The following C11orf91 variants were observed in gnomAD, a reference collection of about 807,000 sequenced individuals.
C11orf91 encodes uncharacterized protein C11orf91.
C11orf91 carries 10 observed loss-of-function variants against 14.3 expected under a neutral mutation model. The observed-to-expected ratio is 0.70, with a 90% CI of 0.43 to 1.18. The LOEUF (loss-of-function observed/expected upper bound fraction) is 1.18. Ranked by LOEUF, C11orf91 falls within the 50% of genes most tolerant of loss-of-function variation. The probability of loss-of-function intolerance (pLI) is 0.00; values close to 1 mark genes in which losing one functional copy is unlikely to be tolerated. For synonymous variants in C11orf91, 141 were observed against 130.6 expected, an observed-to-expected ratio of 1.08 and a Z score of -0.54; for missense variants, 236 against 269.0, an observed-to-expected ratio of 0.88 and a Z score of 0.86.
In C11orf91 at chr11:33,700,376, G is replaced by A; in HGVS notation, c.365C>T (p.Pro122Leu). The part of the protein sequence containing the change: ...PPPGPEVVAS[P>L]LVPCPSTPRL... ...GGGGGTCGAGGGGCAGGGGACCAGG[G>A]GCGAGGCAACCACCTCAGGCCCCGG... Residue 122 changes from proline to leucine, a missense_variant, in exon 1 of 2, where the codon CCC becomes CTC. By Grantham distance (98) the Pro-to-Leu change is moderately conservative. Coordinates refer to ENST00000379011, the MANE Select transcript of C11orf91 (RefSeq NM_001166692.2). 6.5e-7 allele frequency: 1 copy of A among 1,534,582 alleles called. No individual in the cohort carries two copies. Among genetic ancestry groups the A allele is most frequent in the Non-Finnish European group, 8.7e-7 (1 of 1,146,350 alleles).
At chr11:33,701,754 A>AGTGT (rs35903408), upstream of C11orf91, among the ~76,000 whole-genome samples, 4,461 of 149,012 alleles carry the variant, frequency 0.03, 235 homozygotes, top group African/African-American at 0.1. Flanking sequence ...CACAGTGCAA[A>AGTGT]GTGTGTGTGT....
At chr11:33,699,560 A>G in intron 1 of C11orf91, 1 of 456,332 alleles carries the variant, frequency 2.2e-6, no homozygotes. Context: ...GGGAGGAGTC[A>G]TTCAGCTCGT....
At chr11:33,702,705 G>A, upstream of C11orf91, 1 of 387,048 alleles carries the variant, frequency 2.6e-6, no homozygotes, top group Admixed American at 3.2e-5. Flanking sequence ...ATCTGTCTTT[G>A]TCAGTTTAAT....
chr11:33,702,694 A>G, upstream of C11orf91: 1 of 353,768 alleles, frequency 2.8e-6, no homozygotes, highest in South Asian at 2.1e-5. Context: ...GTCTTCTGTT[A>G]ATCTGTCTTT....
chr11:33,703,443 CTA>C (rs1853176879), upstream of C11orf91: 1 of 152,234 alleles, frequency 6.6e-6, no homozygotes, highest in Non-Finnish European at 1.5e-5. Context: ...CTCCAAAGCA[CTA>C]TGTCACCTAC....
At chr11:33,702,301 A>T (rs1021276132), upstream of C11orf91, among the ~76,000 whole-genome samples, 14 of 152,222 alleles carry the variant, frequency 9.2e-5, 1 homozygote, top group South Asian at 1.7e-3. Context: ...AAAATAATTT[A>T]AAAAATTAAC....
Position 33,700,689 on chromosome 11 carries a change from C to T in C11orf91, c.52G>A (p.Ala18Thr). 6.9e-7 allele frequency: 1 copy of T among 1,440,874 alleles called. No homozygotes were observed. The allele number at this position is 1,440,874 out of a possible 1,614,324, so 89.3% of individuals were successfully genotyped here. The change falls in exon 1 of 2, where the codon GCT (alanine) becomes ACT (threonine). Residue 18 changes from alanine to threonine, a missense_variant. By Grantham distance (58) the Ala-to-Thr change is moderately conservative. Coordinates refer to ENST00000379011, the MANE Select transcript of C11orf91 (RefSeq NM_001166692.2). ...SHSPTMSQRS[A>T]PPLYFPSLYD... ...AGGGACGGGAAATAGAGGGGCGGAG[C>T]CGACCGCTGGCTCATGGTGGGGCTG...
At chr11:33,701,046 G>A (rs1386028610), upstream of C11orf91, among the ~76,000 whole-genome samples, 1 of 152,232 alleles carries the variant, frequency 6.6e-6, no homozygotes, top group Non-Finnish European at 1.5e-5. Flanking sequence ...CGACCCCGCT[G>A]GCTTCCGTTG....
Position 33,700,686 on chromosome 11 carries a change from G to C in C11orf91, c.55C>G (p.Pro19Ala). Reference sequence around the variant, plus strand: ...TACAGGGACGGGAAATAGAGGGGCGGAGCCGACCGCTGGCTCATGGTGGGG... The same window carrying C: ...TACAGGGACGGGAAATAGAGGGGCGCAGCCGACCGCTGGCTCATGGTGGGG... ...HSPTMSQRSAPPLYFPSLYDR... is the reference protein window; with the variant it reads ...HSPTMSQRSAAPLYFPSLYDR... The change falls in exon 1 of 2, where the codon CCG becomes GCG. Residue 19 changes from proline (P) to alanine (A), a missense_variant. By Grantham distance (27) the Pro-to-Ala change is conservative (BLOSUM62 -1). Transcript: ENST00000379011. The C allele has an allele frequency of 6.9e-7, 1 of 1,443,570 alleles. No homozygotes were observed. The highest frequency in any genetic ancestry group is 9.1e-7 in the Non-Finnish European group (1 of 1,099,310). 89.4% of individuals were successfully genotyped at this position (1,443,570 alleles called of 1,614,324 possible).
In C11orf91 at chr11:33,698,275, T is replaced by TGAGATTTACCACACAAAGC. The variant is rs2080934536; in HGVS notation, c.*153_*154insGCTTTGTGTGGTAAATCTC. The TGAGATTTACCACACAAAGC allele has an allele frequency of 1.6e-6, 1 of 607,792 alleles. No homozygotes were observed. The highest frequency in any genetic ancestry group is 1.8e-5 in the African/African-American group (1 of 54,070). The allele number at this position is 607,792 out of a possible 1,614,324, so 37.6% of individuals were successfully genotyped here. A position where few individuals can be genotyped will look rare whatever the true frequency, so the allele number is the denominator to read the frequency against. On this transcript the variant is annotated 3_prime_UTR_variant, in exon 2 of 2. Coordinates refer to ENST00000379011, the MANE Select transcript of C11orf91 (RefSeq NM_001166692.2). The stretch of plus-strand genomic sequence containing the variant: ...AGACCATGAGATTTACCACACAAAG[T>TGAGATTTACCACACAAAGC]GGGCACTGTATGTGAAGTACATGCT...
At chr11:33,701,333 T>C (rs1853123386), upstream of C11orf91, among the ~76,000 whole-genome samples, 1 of 152,226 alleles carries the variant, frequency 6.6e-6, no homozygotes, top group Admixed American at 6.5e-5. Context: ...CCTATGTATC[T>C]GCCAAACGTT....
At position 33,700,749 on chromosome 11, in the gene C11orf91, T is replaced by C. The variant is rs1853112314; in HGVS notation, c.-9A>G. ...CGCCGCCCCTTTGGCATCGTTTGAA[T>C]GAGGGTCTGCGTGGGAGGAACCCCG... On this transcript the variant is annotated 5_prime_UTR_variant, in exon 1 of 2. Coordinates refer to ENST00000379011, the MANE Select transcript of C11orf91 (RefSeq NM_001166692.2). 2 of 1,337,928 alleles carry C rather than the reference T, an allele frequency of 1.5e-6. No individual in the cohort carries two copies. Among genetic ancestry groups the C allele is most frequent in the Non-Finnish European group, 1.9e-6 (2 of 1,042,184 alleles). The allele number at this position is 1,337,928 out of a possible 1,614,324, so 82.9% of individuals were successfully genotyped here. A position where few individuals can be genotyped will look rare whatever the true frequency, so the allele number is the denominator to read the frequency against.
Position 33,700,684 on chromosome 11 carries a change from C to A in C11orf91, c.57G>T (p.Pro19=). The A allele has an allele frequency of 6.9e-7, 1 of 1,442,394 alleles. No individual in the cohort carries two copies. Among genetic ancestry groups the A allele is most frequent in the Non-Finnish European group, 9.1e-7 (1 of 1,098,836 alleles). The allele number at this position is 1,442,394 out of a possible 1,614,324, so 89.3% of individuals were successfully genotyped here. The change falls in exon 1 of 2, where the codon CCG becomes CCT. Residue 19 remains proline (P), a synonymous_variant. Coordinates refer to ENST00000379011, the MANE Select transcript of C11orf91 (RefSeq NM_001166692.2). ...HSPTMSQRSA[P]PLYFPSLYDR... ...CGTACAGGGACGGGAAATAGAGGGG[C>A]GGAGCCGACCGCTGGCTCATGGTGG...
rs1045437498 is a variant in C11orf91, at chr11:33,700,713, T to G, written c.28A>C (p.Ser10Arg). ...GCCGACCGCTGGCTCATGGTGGGGC[T>G]GTGGCTGCCGCGCCGCCCCTTTGGC... MPKGRRGSHSPTMSQRSAPP... is the reference protein window; with the variant it reads MPKGRRGSHRPTMSQRSAPP... Residue 10 changes from serine (S) to arginine (R), a missense_variant, in exon 1 of 2, where the codon AGC becomes CGC. Coordinates refer to ENST00000379011, the MANE Select transcript of C11orf91 (RefSeq NM_001166692.2). 3 of 1,390,698 alleles carry G rather than the reference T, an allele frequency of 2.2e-6. No individual in the cohort carries two copies. The highest frequency in any genetic ancestry group is 2.8e-6 in the Non-Finnish European group (3 of 1,069,622). 86.1% of individuals were successfully genotyped at this position (1,390,698 alleles called of 1,614,324 possible).
chr11:33,698,281 C>G lies in C11orf91; in HGVS notation c.*148G>C. ...TGAGATTTACCACACAAAGTGGGCA[C>G]TGTATGTGAAGTACATGCTGGTAGC... On this transcript the variant is annotated 3_prime_UTR_variant, in exon 2 of 2. Transcript: ENST00000379011. 3 of 618,230 alleles carry G rather than the reference C, an allele frequency of 4.9e-6. No individual in the cohort carries two copies. Among genetic ancestry groups the G allele is most frequent in the South Asian group, 1.9e-5 (1 of 52,638 alleles). The allele number at this position is 618,230 out of a possible 1,614,324, so 38.3% of individuals were successfully genotyped here.
In C11orf91 at chr11:33,700,614, T is replaced by C; in HGVS notation, c.127A>G (p.Lys43Glu). The C allele has an allele frequency of 6.8e-7, 1 of 1,474,028 alleles. No homozygotes were observed. Among genetic ancestry groups the C allele is most frequent in the Non-Finnish European group, 8.9e-7 (1 of 1,117,718 alleles). The allele number at this position is 1,474,028 out of a possible 1,614,324, so 91.3% of individuals were successfully genotyped here. ...GCCTTCAGCGGCACGAAGAGCTTCTTCCAGATGTTGAAGTCGCTGAGCGGG... is the reference window on the plus strand; with the variant it reads ...GCCTTCAGCGGCACGAAGAGCTTCTCCCAGATGTTGAAGTCGCTGAGCGGG... ...SSPLSDFNIW[K>E]KLFVPLKAGG... The change falls in exon 1 of 2, where the codon AAG (lysine) becomes GAG (glutamate). Residue 43 changes from lysine (K) to glutamate (E), a missense_variant. Coordinates refer to ENST00000379011, the MANE Select transcript of C11orf91 (RefSeq NM_001166692.2).
chr11:33,704,111 T>G (rs909474357), upstream of C11orf91: 1 of 152,070 alleles, frequency 6.6e-6, no homozygotes. Flanking sequence ...TCAGCCTCTT[T>G]AGGGATATGT....
chr11:33,701,498 T>C (rs1417660611), upstream of C11orf91, among the ~76,000 whole-genome samples: 5 of 152,234 alleles, frequency 3.3e-5, no homozygotes, highest in Non-Finnish European at 7.3e-5. Flanking sequence ...AAGGAAATCC[T>C]GTCCGCCCTA....
chr11:33,702,302 A>G (rs1475893113), upstream of C11orf91, among the ~76,000 whole-genome samples: 1 of 152,092 alleles, frequency 6.6e-6, no homozygotes, highest in Non-Finnish European at 1.5e-5. Flanking sequence ...AAATAATTTA[A>G]AAAATTAACC....
Sources: allele counts gnomAD v4.1 joint callset (sites outside exome capture counted in the v4.1 genomes callset), GRCh38; gene constraint gnomAD v4.1.1; transcripts MANE v1.5; gene names NCBI Gene and HGNC (gene_info 2026-07-23, HGNC 2026-07-21).